PACSIN1: variants seen among roughly 807,000 people sequenced by gnomAD.
The protein encoded by PACSIN1 is protein kinase C and casein kinase substrate in neurons protein 1.
A neutral mutation model predicts 59.5 loss-of-function variants in PACSIN1; 15 were observed. That is an observed-to-expected ratio of 0.25 (90% CI 0.17 to 0.39). The LOEUF (loss-of-function observed/expected upper bound fraction) is 0.39, where lower values mean the gene tolerates loss of function less well. PACSIN1 is among the 10% of genes least tolerant of loss of function. The probability of loss-of-function intolerance (pLI) is 1.00; values close to 1 mark genes in which losing one functional copy is unlikely to be tolerated. For missense variants in PACSIN1, 420 were observed against 580.2 expected (o/e 0.72, Z 2.84); for synonymous variants, 210 against 220.6 (o/e 0.95, Z 0.42).
chr6:34,528,064 C>G (rs939874731), intron 3 of PACSIN1, among the ~76,000 whole-genome samples: 3 of 152,228 alleles, frequency 2.0e-5, no homozygotes, highest in African/African-American at 7.2e-5. Flanking sequence ...TAATCTAGAA[C>G]AGTTTGAAGT....
At chr6:34,469,032 G>A (rs1581952864) in intron 1 of PACSIN1, among the ~76,000 whole-genome samples, 1 of 152,116 alleles carries the variant, frequency 6.6e-6, no homozygotes, top group East Asian at 1.9e-4. Context: ...ATGAGTTGGT[G>A]GTAGAAAGCC....
chr6:34,527,199 C>T, intron 2 of PACSIN1, 133 bp from the exon 3 acceptor site: 1 of 740,534 alleles, frequency 1.4e-6, no homozygotes, highest in Non-Finnish European at 1.7e-6. Context: ...GGGGCGGGGG[C>T]GGGGGCGGGG....
chr6:34,531,479 G>A lies in PACSIN1; in HGVS notation c.1038-121G>A. On this transcript the variant is annotated intron_variant, in intron 8 of 9. Transcript: ENST00000244458. This position sits in a 1 kb window ranked among gnomAD's most constrained non-coding sequence, Gnocchi z 4.4. ...CTCATGAGGGTCACCCCTCCTATGT[G>A]GCCAATCCTTGCTCTAGCCTTGGTA... 2 of 970,378 alleles carry A rather than the reference G, an allele frequency of 2.1e-6. No individual in the cohort carries two copies. The highest frequency in any genetic ancestry group is 2.5e-5 in the East Asian group (1 of 40,742). 60.1% of individuals were successfully genotyped at this position (970,378 alleles called of 1,614,324 possible). A position where few individuals can be genotyped will look rare whatever the true frequency, so the allele number is the denominator to read the frequency against.
Position 34,504,301 on chromosome 6 carries a change from T to A in PACSIN1, c.-63-21942T>A, listed in dbSNP as rs1364273377. Among the ~76,000 whole-genome samples, 12 of 148,934 alleles carry A rather than the reference T, an allele frequency of 8.1e-5. No individual in the cohort carries two copies. The East Asian group carries it at 1.2e-3, about 14-fold the overall frequency. The stretch of plus-strand genomic sequence containing the variant: ...ATATATATATATATATTTTTTTTTT[T>A]TTTTTTTTAAACGGAGTTTTGCTTT... On this transcript the variant is annotated intron_variant, in intron 1 of 9. Transcript: ENST00000244458.
At chr6:34,472,944 T>G (rs987952768) in intron 1 of PACSIN1, among the ~76,000 whole-genome samples, 2 of 152,148 alleles carry the variant, frequency 1.3e-5, no homozygotes, top group Non-Finnish European at 2.9e-5. Context: ...GTCCTCTTAG[T>G]AAGCTCATGG....
intron 3 of PACSIN1, 168 bp downstream of exon 3, chr6:34,527,656 C>T: frequency 2.3e-6 from 1 of 438,108 alleles, no homozygotes; most frequent in South Asian, 8.0e-5. Flanking sequence ...ACCTGTTCAT[C>T]TCTATTTTGT....
At chr6:34,494,195 G>A (rs1766916223) in intron 1 of PACSIN1, among the ~76,000 whole-genome samples, 1 of 152,078 alleles carries the variant, frequency 6.6e-6, no homozygotes, top group Non-Finnish European at 1.5e-5. Context: ...AAGCAACTCA[G>A]GCTGGCTCCT....
chr6:34,519,758 T>C (rs1305837855), intron 1 of PACSIN1, among the ~76,000 whole-genome samples: 1 of 152,144 alleles, frequency 6.6e-6, no homozygotes, highest in Non-Finnish European at 1.5e-5. Context: ...TCACCTCCTT[T>C]TGCAGATGAG....
intron 1 of PACSIN1, among the ~76,000 whole-genome samples, chr6:34,493,158 G>A (rs76090856): frequency 0.023 from 3,477 of 152,264 alleles, 141 homozygotes; most frequent in African/African-American, 0.073. Flanking sequence ...CTGGGAGGGG[G>A]CCAGCAAGAG....
intron 1 of PACSIN1, among the ~76,000 whole-genome samples, chr6:34,508,034 A>G (rs1242684454): frequency 1.3e-5 from 2 of 152,126 alleles, no homozygotes; most frequent in Non-Finnish European, 2.9e-5. Context: ...TGTCTTTGAG[A>G]CCCTGACTTC....
At chr6:34,526,956 C>T (rs1767495961) in intron 2 of PACSIN1, among the ~76,000 whole-genome samples, 1 of 152,188 alleles carries the variant, frequency 6.6e-6, no homozygotes, top group Non-Finnish European at 1.5e-5. Context: ...TGCAGCTCAA[C>T]TCAACGCTTA....
intron 1 of PACSIN1, among the ~76,000 whole-genome samples, chr6:34,498,353 C>CG (rs1766977529): frequency 6.6e-6 from 1 of 152,136 alleles, no homozygotes; most frequent in South Asian, 2.1e-4. Context: ...AGCCACCGCG[C>CG]CCGGCCCTTT....
chr6:34,528,894 GCCAC>G lies in PACSIN1; in HGVS notation c.456+18_456+21del. On this transcript the variant is annotated intron_variant, in intron 4 of 9. Coordinates refer to ENST00000244458, the MANE Select transcript of PACSIN1 (RefSeq NM_020804.5). ...ATGAAGGAGGTGCTCAGTGGGTGCT[GCCAC>G]GGGCGGGGTGGGGTGGGCCCGTCTG... 13 of 755,248 alleles carry G rather than the reference GCCAC, an allele frequency of 1.7e-5. No homozygotes were observed. The highest frequency in any genetic ancestry group is 4.5e-5 in the East Asian group (1 of 22,120). 46.8% of individuals were successfully genotyped at this position (755,248 alleles called of 1,614,324 possible).
chr6:34,507,391 A>G (rs565239601), intron 1 of PACSIN1, among the ~76,000 whole-genome samples: 1 of 152,272 alleles, frequency 6.6e-6, no homozygotes, highest in East Asian at 1.9e-4. Context: ...TGGTTTTAGC[A>G]GGAGGAATGG....
intron 1 of PACSIN1, among the ~76,000 whole-genome samples, chr6:34,519,106 A>G (rs918686757): frequency 6.6e-6 from 1 of 152,090 alleles, no homozygotes; most frequent in Non-Finnish European, 1.5e-5. Context: ...GGAGTGGGCT[A>G]GGGAGGAGGA....
chr6:34,470,805 G>A (rs1056674807), intron 1 of PACSIN1, among the ~76,000 whole-genome samples: 1 of 152,080 alleles, frequency 6.6e-6, no homozygotes, highest in African/African-American at 2.4e-5. Flanking sequence ...TTAAATTTCA[G>A]AAAAACAACA....
At position 34,529,698 on chromosome 6, in the gene PACSIN1, T is replaced by G; in HGVS notation, c.645T>G (p.Asp215Glu). Reference protein sequence around the residue: ...TQEKYEKVLEDVGKTTPQYME... With the variant: ...TQEKYEKVLEEVGKTTPQYME... The stretch of plus-strand genomic sequence containing the variant: ...AGAAGTATGAGAAAGTGCTGGAAGA[T>G]GTGGGCAAGACCACACCCCAGTACA... The change falls in exon 6 of 10, where the codon GAT (aspartate) becomes GAG (glutamate). Residue 215 changes from aspartate (D) to glutamate (E), a missense_variant. Transcript: ENST00000244458. This position sits in a 1 kb window ranked among gnomAD's most constrained non-coding sequence, Gnocchi z 6.3. The G allele has an allele frequency of 6.2e-7, 1 of 1,614,122 alleles. No homozygotes were observed. The highest frequency in any genetic ancestry group is 8.5e-7 in the Non-Finnish European group (1 of 1,180,036).
At chr6:34,477,358 A>AAGAAAGAAAGAGAAAGAG (rs372773662) in intron 1 of PACSIN1, among the ~76,000 whole-genome samples, 1,898 of 151,878 alleles carry the variant, frequency 0.012, 23 homozygotes, top group African/African-American at 0.021. Context: ...AAAAAGAAGA[A>AAGAAAGAAAGAGAAAGAG]AGAAAGAAAG....
chr6:34,524,110 C>T (rs549264865), intron 1 of PACSIN1, among the ~76,000 whole-genome samples: 76 of 152,194 alleles, frequency 5.0e-4, no homozygotes, highest in Non-Finnish European at 9.1e-4. Flanking sequence ...TGGAGAGACA[C>T]GTTACCTGCC....
Sources: allele counts gnomAD v4.1 joint callset (sites outside exome capture counted in the v4.1 genomes callset), GRCh38; gene constraint gnomAD v4.1.1; non-coding constraint Gnocchi (gnomAD v3.1); transcripts MANE v1.5; gene names NCBI Gene and HGNC (gene_info 2026-07-23, HGNC 2026-07-21).